The following WDR93 variants were observed in gnomAD, a reference collection of about 807,000 sequenced individuals.
WDR93 encodes WD repeat domain 93.
A neutral mutation model predicts 82.9 loss-of-function variants in WDR93; 73 were observed. The ratio of observed to expected loss-of-function variants is 0.88; its 90% confidence interval spans 0.73 to 1.07. The LOEUF is 1.07. Ranked by LOEUF, WDR93 falls within the 50% of genes least tolerant of loss-of-function variation. The pLI is 0.00. For synonymous variants in WDR93, 283 were observed against 300.1 expected (o/e 0.94, Z 0.59); for missense variants, 738 against 826.0 (o/e 0.89, Z 1.31).
At chr15:89,696,873 C>T (rs1965203895) in intron 1 of WDR93, among the ~76,000 whole-genome samples, 1 of 152,168 alleles carries the variant, frequency 6.6e-6, no homozygotes, top group Admixed American at 6.5e-5. Context: ...AATCCTTTCT[C>T]AGAGTGGCTG....
rs1409490733 is a variant in WDR93, at chr15:89,702,933, T to C, written c.304-17T>C. The C allele has an allele frequency of 7.4e-6, 12 of 1,611,470 alleles. No individual in the cohort carries two copies. The highest frequency in any genetic ancestry group is 2.7e-5 in the African/African-American group (2 of 74,734). ...ACAGTGACAACTGAAAATAATATTTTTTCTTTGTTTTCCCAGCTCAACAAA... is the reference window on the plus strand; with the variant it reads ...ACAGTGACAACTGAAAATAATATTTCTTCTTTGTTTTCCCAGCTCAACAAA... On this transcript the variant is annotated splice_polypyrimidine_tract_variant and intron_variant, in intron 2 of 16. Transcript: ENST00000268130.
At chr15:89,695,241 T>C (rs1253251288) in intron 1 of WDR93, among the ~76,000 whole-genome samples, 1 of 152,202 alleles carries the variant, frequency 6.6e-6, no homozygotes, top group Non-Finnish European at 1.5e-5. Context: ...TTTAACAAAA[T>C]TGAGTCTTCC....
At chr15:89,739,427 ATG>A (rs777042922) in intron 16 of WDR93, among the ~76,000 whole-genome samples, 5 of 152,100 alleles carry the variant, frequency 3.3e-5, no homozygotes, top group Non-Finnish European at 5.9e-5. Flanking sequence ...ATAAACCGTT[ATG>A]TGTGTGTTTC....
At chr15:89,702,831 G>A (rs908133339) in intron 2 of WDR93, 119 bp from the exon 3 acceptor site, 9 of 1,173,884 alleles carry the variant, frequency 7.7e-6, no homozygotes, top group East Asian at 2.6e-5. Flanking sequence ...TAGCCACTGC[G>A]TCCAGCCAGG....
chr15:89,742,001 T>C (rs1425516788), intron 16 of WDR93, among the ~76,000 whole-genome samples: 1 of 152,206 alleles, frequency 6.6e-6, no homozygotes, highest in Non-Finnish European at 1.5e-5. Flanking sequence ...TCCACCCGCC[T>C]TGGCCTCCCA....
chr15:89,741,820 C>G (rs1967696527), intron 16 of WDR93, among the ~76,000 whole-genome samples: 1 of 151,980 alleles, frequency 6.6e-6, no homozygotes, highest in African/African-American at 2.4e-5. Context: ...GGCACAATCT[C>G]AGCTCACTGC....
At position 89,723,086 on chromosome 15, in the gene WDR93, G is replaced by T. The variant is rs1596103000; in HGVS notation, c.880+947G>T. Among the ~76,000 whole-genome samples, 3 of 152,036 alleles carry T rather than the reference G, an allele frequency of 2.0e-5. No homozygotes were observed. In the South Asian group the frequency reaches 6.2e-4, roughly 32 times the overall value. On this transcript the variant is annotated intron_variant, in intron 8 of 16. Transcript: ENST00000268130. ...CAGAGTGGCATGCACCTGTGGTCCT[G>T]ACTACTTGGGAGGCTAAGGCAGTAG...
intron 1 of WDR93, among the ~76,000 whole-genome samples, chr15:89,695,047 T>C (rs987516586): frequency 6.6e-6 from 1 of 152,204 alleles, no homozygotes; most frequent in South Asian, 2.1e-4. Flanking sequence ...TTTGTTTATT[T>C]TGATACCAAT....
At chr15:89,728,008 G>C (rs1368221801) in intron 9 of WDR93, among the ~76,000 whole-genome samples, 2 of 151,960 alleles carry the variant, frequency 1.3e-5, no homozygotes, top group East Asian at 3.9e-4. Context: ...TGGAACCCAG[G>C]AGATGGAGGC....
chr15:89,717,245 G>A (rs1317849671), intron 7 of WDR93, among the ~76,000 whole-genome samples: 4 of 151,776 alleles, frequency 2.6e-5, no homozygotes, highest in Non-Finnish European at 5.9e-5. Flanking sequence ...TTTTAGTAGA[G>A]ACAGGGTTTT....
upstream of WDR93, chr15:89,714,979 G>A (rs1481157554): frequency 1.9e-6 from 3 of 1,612,614 alleles, no homozygotes; most frequent in Non-Finnish European, 2.5e-6. Context: ...TCCCAATGCA[G>A]GAGCCGGAGA....
chr15:89,701,903 T>G lies in WDR93; in HGVS notation c.157T>G (p.Leu53Val). ...LVDPDEELDSLPQPYRMINKL... is the reference protein window; with the variant it reads ...LVDPDEELDSVPQPYRMINKL... ...GGATCCAGATGAGGAGCTGGATTCCTTGCCTCAGCCTTATCGAATGATCAA... is the reference window on the plus strand; with the variant it reads ...GGATCCAGATGAGGAGCTGGATTCCGTGCCTCAGCCTTATCGAATGATCAA... Residue 53 changes from leucine (L) to valine (V), a missense_variant, in exon 2 of 17, where the codon TTG becomes GTG. Leu to Val is a conservative substitution (Grantham distance 32, BLOSUM62 1). Coordinates refer to ENST00000268130, the MANE Select transcript of WDR93 (RefSeq NM_020212.2). The G allele has an allele frequency of 2.5e-6, 4 of 1,614,254 alleles. No individual in the cohort carries two copies. Among genetic ancestry groups the G allele is most frequent in the Non-Finnish European group, 3.4e-6 (4 of 1,180,050 alleles).
chr15:89,703,496 C>A (rs2141602057), intron 3 of WDR93: 1 of 276,446 alleles, frequency 3.6e-6, no homozygotes, highest in East Asian at 8.0e-5. Context: ...CAGCACTCAG[C>A]AGTCCTCTCA....
At chr15:89,718,472 A>T (rs1173656518) in intron 7 of WDR93, among the ~76,000 whole-genome samples, 1 of 151,338 alleles carries the variant, frequency 6.6e-6, no homozygotes, top group Non-Finnish European at 1.5e-5. Context: ...CTAAAAAAAA[A>T]AAAAAATTAG....
At chr15:89,737,992 C>T in intron 15 of WDR93, 49 bp from the exon 16 acceptor site, 2 of 1,550,476 alleles carry the variant, frequency 1.3e-6, no homozygotes, top group African/African-American at 1.4e-5. Flanking sequence ...ACAGAGCCCA[C>T]TGAGAAAGCG....
rs78763621 is a variant in WDR93, at chr15:89,709,085, G to C, written c.562-2941G>C. 4.0e-3 allele frequency among the ~76,000 whole-genome samples: 614 copies of C among 152,350 alleles called. 2 individuals are homozygous for C. Among genetic ancestry groups the C allele is most frequent in the African/African-American group, 0.014 (571 of 41,590 alleles). ...TGATAACCAGGGTGCAGGAGAACAA[G>C]GTGGACCAGTGACACAATCCTACAC... On this transcript the variant is annotated intron_variant, in intron 4 of 16. Coordinates refer to ENST00000268130, the MANE Select transcript of WDR93 (RefSeq NM_020212.2).
At chr15:89,727,432 A>C in intron 9 of WDR93, 104 bp downstream of exon 9, 1 of 1,300,000 alleles carries the variant, frequency 7.7e-7, no homozygotes, top group Non-Finnish European at 1.1e-6. Context: ...TGAGATTTAA[A>C]AGCTCTTTCT....
In WDR93 at chr15:89,703,007, G is replaced by T. The variant is rs1365083743; in HGVS notation, c.361G>T (p.Ala121Ser). 1.2e-6 allele frequency: 2 copies of T among 1,614,202 alleles called. No individual in the cohort carries two copies. Among genetic ancestry groups the T allele is most frequent in the Non-Finnish European group, 1.7e-6 (2 of 1,180,028 alleles). Residue 121 changes from alanine to serine, a missense_variant, in exon 3 of 17, where the codon GCC becomes TCC. By Grantham distance (99) the Ala-to-Ser change is moderately conservative. Transcript: ENST00000268130. Reference protein sequence around the residue: ...VSQDYVFIGGAKGFSIYNLYS... With the variant: ...VSQDYVFIGGSKGFSIYNLYS... ...CCAAGACTATGTGTTTATTGGAGGA[G>T]CCAAAGGATTCTCAATTTATAATCT...
chr15:89,702,560 A>G (rs1965520227), intron 2 of WDR93, among the ~76,000 whole-genome samples: 1 of 151,002 alleles, frequency 6.6e-6, no homozygotes, highest in African/African-American at 2.4e-5. Flanking sequence ...TTTTTTTGAG[A>G]TAGAGTTTCG....
Sources: allele counts gnomAD v4.1 joint callset (sites outside exome capture counted in the v4.1 genomes callset), GRCh38; gene constraint gnomAD v4.1.1; transcripts MANE v1.5; gene names NCBI Gene and HGNC (gene_info 2026-07-23, HGNC 2026-07-21).